Variants in MAN1A1 observed in about 807,000 individuals in gnomAD.
MAN1A1 encodes mannosyl-oligosaccharide 1,2-alpha-mannosidase IA.
In MAN1A1, 29 loss-of-function variants were observed where a neutral mutation model predicts 70.8. The observed-to-expected ratio is 0.41, with a 90% CI of 0.31 to 0.56. The LOEUF is 0.56. Ranked by LOEUF, MAN1A1 falls within the 20% of genes least tolerant of loss-of-function variation. MAN1A1 has a pLI of 0.29. For synonymous variants in MAN1A1, 349 were observed against 330.1 expected (o/e 1.06, Z -0.62); for missense variants, 747 against 841.3 (o/e 0.89, Z 1.39).
chr6:119,345,266 T>C (rs1029497976), intron 2 of MAN1A1, among the ~76,000 whole-genome samples: 5 of 152,178 alleles, frequency 3.3e-5, no homozygotes, highest in Non-Finnish European at 7.4e-5. Flanking sequence ...GGACTATTTT[T>C]CTAAAACTTC....
chr6:119,317,932 C>G (rs937207398), intron 2 of MAN1A1, among the ~76,000 whole-genome samples: 3 of 151,628 alleles, frequency 2.0e-5, no homozygotes, highest in Non-Finnish European at 4.4e-5. Context: ...TTAAAATTGT[C>G]CATTATTAAT....
chr6:119,334,654 ATTC>A (rs1773405878), intron 2 of MAN1A1, among the ~76,000 whole-genome samples: 1 of 152,240 alleles, frequency 6.6e-6, no homozygotes, highest in Non-Finnish European at 1.5e-5. Context: ...TCACTCTTGA[ATTC>A]TTGTCTTAAA....
At chr6:119,313,332 G>A (rs1431586302) in intron 2 of MAN1A1, among the ~76,000 whole-genome samples, 1 of 152,080 alleles carries the variant, frequency 6.6e-6, no homozygotes, top group East Asian at 1.9e-4. Context: ...ATTCCTCAGT[G>A]AGCGAGGGCC....
chr6:119,185,957 T>C (rs1158074840), intron 11 of MAN1A1, among the ~76,000 whole-genome samples: 1 of 150,450 alleles, frequency 6.6e-6, no homozygotes, highest in East Asian at 2.0e-4. Context: ...TATTCAGCCC[T>C]AAAAGACCAC....
intron 2 of MAN1A1, among the ~76,000 whole-genome samples, chr6:119,328,611 G>T (rs1460357220): frequency 1.3e-5 from 2 of 152,204 alleles, no homozygotes; most frequent in African/African-American, 4.8e-5. Context: ...GAATGAATAA[G>T]ATTTAAATTG....
intron 6 of MAN1A1, among the ~76,000 whole-genome samples, chr6:119,240,710 A>T (rs1227519845): frequency 6.6e-6 from 1 of 152,250 alleles, no homozygotes; most frequent in Admixed American, 6.5e-5. Context: ...TCCTTTGTTC[A>T]GACTTCCTTG....
At chr6:119,290,879 T>C (rs181856731) in intron 4 of MAN1A1, 116 bp from the exon 5 acceptor site, 1 of 648,262 alleles carries the variant, frequency 1.5e-6, no homozygotes, top group Admixed American at 2.8e-5. Flanking sequence ...CCCAGAGAAG[T>C]TTATATACAG....
At chr6:119,192,969 AACTT>A (rs1773479449) in intron 9 of MAN1A1, among the ~76,000 whole-genome samples, 1 of 152,162 alleles carries the variant, frequency 6.6e-6, no homozygotes, top group South Asian at 2.1e-4. Flanking sequence ...TTACCTTACT[AACTT>A]ACTGCTTGCA....
intron 11 of MAN1A1, among the ~76,000 whole-genome samples, chr6:119,184,741 C>T (rs1009944077): frequency 1.3e-5 from 2 of 152,010 alleles, no homozygotes; most frequent in African/African-American, 4.8e-5. Context: ...AAAAAAATCC[C>T]AAATCCCTAG....
intron 2 of MAN1A1, among the ~76,000 whole-genome samples, chr6:119,323,846 A>G (rs1446348322): frequency 6.6e-6 from 1 of 152,236 alleles, no homozygotes; most frequent in East Asian, 1.9e-4. Flanking sequence ...TAAATTCTAA[A>G]TTATTCAATA....
chr6:119,326,039 T>A (rs185261892), intron 2 of MAN1A1, among the ~76,000 whole-genome samples: 1 of 152,322 alleles, frequency 6.6e-6, no homozygotes, highest in Admixed American at 6.5e-5. Flanking sequence ...CAGGGTCAGG[T>A]TCCAGCCCAT....
intron 6 of MAN1A1, chr6:119,211,057 C>T (rs548738478): frequency 1.1e-4 from 32 of 293,920 alleles, no homozygotes; most frequent in Non-Finnish European, 1.8e-4. Context: ...ATTCCATCTT[C>T]GGAAATAATA....
intron 6 of MAN1A1, among the ~76,000 whole-genome samples, chr6:119,222,369 C>G (rs973203392): frequency 7.5e-6 from 1 of 132,578 alleles, no homozygotes; most frequent in African/African-American, 2.8e-5. Flanking sequence ...TCCTGTTGCT[C>G]AGGCTGGACT....
At chr6:119,265,127 G>C (rs967604390) in intron 5 of MAN1A1, among the ~76,000 whole-genome samples, 4 of 148,364 alleles carry the variant, frequency 2.7e-5, no homozygotes, top group African/African-American at 1.0e-4. Context: ...TTAAGACAAG[G>C]TCTCACTCTG....
intron 6 of MAN1A1, among the ~76,000 whole-genome samples, chr6:119,220,430 C>G (rs1310160533): frequency 6.6e-6 from 1 of 152,146 alleles, no homozygotes; most frequent in East Asian, 1.9e-4. Context: ...AAGTTTCCTT[C>G]TCTTTAGAAT....
At chr6:119,280,524 TC>T (rs1169241290) in intron 5 of MAN1A1, among the ~76,000 whole-genome samples, 1 of 152,244 alleles carries the variant, frequency 6.6e-6, no homozygotes, top group Non-Finnish European at 1.5e-5. Flanking sequence ...ATCTGCTGAT[TC>T]ACTTAATGAA....
chr6:119,278,372 A>G (rs983373342), intron 5 of MAN1A1, among the ~76,000 whole-genome samples: 2 of 152,198 alleles, frequency 1.3e-5, no homozygotes, highest in African/African-American at 4.8e-5. Context: ...TTAAGGCTCT[A>G]GAGTCATAAT....
intron 5 of MAN1A1, among the ~76,000 whole-genome samples, chr6:119,288,453 T>C (rs1403898682): frequency 6.6e-6 from 1 of 151,956 alleles, no homozygotes; most frequent in African/African-American, 2.4e-5. Context: ...TTCTATTAAA[T>C]GAATGCTCAT....
chr6:119,285,472 G>A (rs891084885), intron 5 of MAN1A1, among the ~76,000 whole-genome samples: 3 of 151,974 alleles, frequency 2.0e-5, no homozygotes, highest in Non-Finnish European at 2.9e-5. Context: ...GAACTATATC[G>A]ATTACCTGAT....
Sources: allele counts gnomAD v4.1 joint callset (sites outside exome capture counted in the v4.1 genomes callset), GRCh38; gene constraint gnomAD v4.1.1; transcripts MANE v1.5; gene names NCBI Gene and HGNC (gene_info 2026-07-23, HGNC 2026-07-21).